Variants in PARP4 observed in about 807,000 individuals in gnomAD.
The protein encoded by PARP4 is poly(ADP-ribose) polymerase family member 4.
A neutral mutation model predicts 187.7 loss-of-function variants in PARP4; 120 were observed. The ratio of observed to expected loss-of-function variants is 0.64; its 90% CI spans 0.55 to 0.74. The LOEUF is 0.74. Ranked by LOEUF, PARP4 falls within the 30% of genes least tolerant of loss-of-function variation. The pLI, the probability that PARP4 is intolerant of heterozygous loss-of-function variation, is 0.00. For missense variants in PARP4, 1,836 were observed against 2,070.5 expected (o/e 0.89, Z 2.20); for synonymous variants, 654 against 740.9 (o/e 0.88, Z 1.90).
Position 24,490,674 on chromosome 13 carries a change from T to C in PARP4, c.1208A>G (p.His403Arg), listed in dbSNP as rs1240679574. The stretch of plus-strand genomic sequence containing the variant: ...ATATTTCCTTTATGCTTACCTGTGA[T>C]GATTCTGCAAAACCTCTTTTCTAAC... ...LRVRKEVLQN[H>R]HSKSPVDVLQ... Residue 403 changes from histidine to arginine, a missense_variant, in exon 10 of 34, where the codon CAT (histidine) becomes CGT (arginine). His to Arg is a conservative substitution (Grantham distance 29, BLOSUM62 0). Coordinates refer to ENST00000381989, the MANE Select transcript of PARP4 (RefSeq NM_006437.4). 2.5e-6 allele frequency: 4 copies of C among 1,612,624 alleles called. No homozygotes were observed. Among genetic ancestry groups the C allele is most frequent in the Non-Finnish European group, 3.4e-6 (4 of 1,178,758 alleles).
chr13:24,445,127 C>T (rs1871145889), intron 27 of PARP4, among the ~76,000 whole-genome samples: 1 of 152,102 alleles, frequency 6.6e-6, no homozygotes, highest in Non-Finnish European at 1.5e-5. Context: ...ACTCATCTGG[C>T]CCTTCTTTGA....
intron 1 of PARP4, among the ~76,000 whole-genome samples, chr13:24,511,242 T>C (rs1238344820): frequency 6.6e-6 from 1 of 152,174 alleles, no homozygotes; most frequent in Non-Finnish European, 1.5e-5. Flanking sequence ...CTCTGTAAAA[T>C]GCCAGCCCTC....
At chr13:24,449,255 G>A (rs1438194293) in intron 25 of PARP4, among the ~76,000 whole-genome samples, 1 of 151,994 alleles carries the variant, frequency 6.6e-6, no homozygotes, top group Non-Finnish European at 1.5e-5. Context: ...AGGCATGGTG[G>A]CTGGTGCCTG....
At chr13:24,470,482 G>T (rs1305359103) in intron 15 of PARP4, among the ~76,000 whole-genome samples, 1 of 151,964 alleles carries the variant, frequency 6.6e-6, no homozygotes, top group Non-Finnish European at 1.5e-5. Flanking sequence ...CCCTCATCTA[G>T]CTCCTCATCT....
At chr13:24,503,821 T>G in intron 1 of PARP4, 44 bp from the exon 2 acceptor site, 1 of 1,547,542 alleles carries the variant, frequency 6.5e-7, no homozygotes, top group East Asian at 2.3e-5. Context: ...TAAGTCAATA[T>G]GACAGTGAAT....
rs1410153286 is a variant in PARP4, at chr13:24,435,433, G to C, written c.3708C>G (p.Ser1236=). The change falls in exon 31 of 34, where the codon TCC becomes TCG. Residue 1236 remains serine, a synonymous_variant. Transcript: ENST00000381989. The stretch of plus-strand genomic sequence containing the variant: ...ATGGAATTTTCCTATGTTTTCGTTT[G>C]GATAAACGTAATTCTGGCCACTCAG... ...ASSEWPELRL[S]KRKHRKIPFS... is the part of the protein sequence containing the mutation. 1 of 1,608,822 alleles carries C rather than the reference G, an allele frequency of 6.2e-7. No individual in the cohort carries two copies. Among genetic ancestry groups the C allele is most frequent in the African/African-American group, 1.3e-5 (1 of 74,516 alleles).
intron 12 of PARP4, among the ~76,000 whole-genome samples, chr13:24,479,673 A>AGC (rs1454944975): frequency 6.6e-6 from 1 of 152,020 alleles, no homozygotes; most frequent in Admixed American, 6.5e-5. Flanking sequence ...CGCACCAATC[A>AGC]GCGCCCTGTC....
At chr13:24,487,009 C>G (rs1219675320) in intron 10 of PARP4, among the ~76,000 whole-genome samples, 1 of 151,988 alleles carries the variant, frequency 6.6e-6, no homozygotes, top group African/African-American at 2.4e-5. Context: ...CCCCTGTAAC[C>G]CCAGCACTTT....
chr13:24,454,023 G>A (rs1871678467), intron 22 of PARP4, among the ~76,000 whole-genome samples: 1 of 151,940 alleles, frequency 6.6e-6, no homozygotes, highest in Non-Finnish European at 1.5e-5. Context: ...GCTAAGGCCG[G>A]GAGGCAGAGG....
At chr13:24,436,484 C>G (rs971813172) in intron 30 of PARP4, among the ~76,000 whole-genome samples, 1 of 151,836 alleles carries the variant, frequency 6.6e-6, no homozygotes, top group African/African-American at 2.4e-5. Context: ...TTAAATTATT[C>G]TTTTGTAGAG....
intron 10 of PARP4, among the ~76,000 whole-genome samples, 196 bp from the exon 11 acceptor site, chr13:24,486,501 G>C (rs939775515): frequency 7.2e-5 from 11 of 152,156 alleles, no homozygotes; most frequent in African/African-American, 2.7e-4. Flanking sequence ...ATAAGGATAT[G>C]TAGTAAAGTA....
chr13:24,428,275 G>A (rs775121624), intron 32 of PARP4, among the ~76,000 whole-genome samples: 7 of 152,098 alleles, frequency 4.6e-5, no homozygotes, highest in African/African-American at 9.7e-5. Context: ...TTCTCAGGCC[G>A]CTCCTTCTCA....
chr13:24,496,306 G>A (rs898703360), intron 6 of PARP4, among the ~76,000 whole-genome samples: 56 of 151,998 alleles, frequency 3.7e-4, no homozygotes, highest in Non-Finnish European at 5.1e-4. Context: ...TCTCCTTCTT[G>A]GACACATTTG....
rs1339388234 is a variant in PARP4, at chr13:24,434,885, C to T, written c.4256G>A (p.Gly1419Asp). Residue 1419 changes from glycine (G) to aspartate (D), a missense_variant, in exon 31 of 34, where the codon GGC (glycine) becomes GAC (aspartate). Gly to Asp is a moderately conservative substitution (Grantham distance 94). This residue lies in a region of PARP4 where 450 missense variants were observed against 439.2 expected (regional missense o/e 1.02). Transcript: ENST00000381989. ...GCCAGCAGAAGGCCTGGTAGTAAAG[C>T]CTCCAGGATGTTGCAGTGGAGCAGA... ...AQSAPLQHPG[G>D]FTTRPSAGTF... 6.2e-7 allele frequency: 1 copy of T among 1,614,108 alleles called. No homozygotes were observed.
At position 24,421,123 on chromosome 13, in the gene PARP4, C is replaced by A; in HGVS notation, c.5171G>T (p.Gly1724Val). The change falls in exon 34 of 34, where the codon GGC becomes GTC. Residue 1724 changes from glycine to valine, a missense_variant. Gly to Val is a moderately radical substitution (Grantham distance 109, BLOSUM62 -3). This residue lies in a region of PARP4 where 29 missense variants were observed against 81.3 expected (regional missense o/e 0.36). Transcript: ENST00000381989. ...PLHRVLHYSQ[G>V] is the part of the protein sequence containing the mutation. ...TAAAATTCAGTTTCATTTGACTTAGCCTTGACTGTAATGGAGGACTCTATG... is the reference window on the plus strand; with the variant it reads ...TAAAATTCAGTTTCATTTGACTTAGACTTGACTGTAATGGAGGACTCTATG... 2 of 1,411,632 alleles carry A rather than the reference C, an allele frequency of 1.4e-6. No individual in the cohort carries two copies. The highest frequency in any genetic ancestry group is 1.9e-6 in the Non-Finnish European group (2 of 1,056,926). 87.4% of individuals were successfully genotyped at this position (1,411,632 alleles called of 1,614,324 possible).
chr13:24,486,351 A>G (rs759321281), intron 10 of PARP4, 46 bp from the exon 11 acceptor site: 3 of 1,337,006 alleles, frequency 2.2e-6, no homozygotes, highest in Middle Eastern at 1.9e-4. Flanking sequence ...AATTGGAAAC[A>G]AAACAAAAAG....
intron 1 of PARP4, among the ~76,000 whole-genome samples, chr13:24,507,986 A>T (rs548739065): frequency 2.7e-4 from 41 of 152,314 alleles, no homozygotes; most frequent in Non-Finnish European, 4.9e-4. Context: ...GTCCGGTTAA[A>T]CTGAAGTCTC....
At chr13:24,427,151 G>A (rs1232169022) in intron 32 of PARP4, among the ~76,000 whole-genome samples, 1 of 151,906 alleles carries the variant, frequency 6.6e-6, no homozygotes, top group Non-Finnish European at 1.5e-5. Flanking sequence ...CAGTTTTTAG[G>A]CTCCTGTTAC....
intron 15 of PARP4, among the ~76,000 whole-genome samples, chr13:24,473,826 C>A (rs1345320072): frequency 6.6e-6 from 1 of 152,204 alleles, no homozygotes; most frequent in Non-Finnish European, 1.5e-5. Flanking sequence ...CCACCAGCCT[C>A]CCCTCCCTGT....
Sources: allele counts gnomAD v4.1 joint callset (sites outside exome capture counted in the v4.1 genomes callset), GRCh38; gene constraint gnomAD v4.1.1; regional missense constraint gnomAD v4.1.1; transcripts MANE v1.5; gene names NCBI Gene and HGNC (gene_info 2026-07-23, HGNC 2026-07-21).